The following BHLHA9 variants were observed in gnomAD, a reference collection of about 807,000 sequenced individuals.
BHLHA9 encodes basic helix-loop-helix family member a9.
For synonymous variants in BHLHA9, 177 were observed against 179.7 expected (o/e 0.98, Z 0.12); for missense variants, 344 against 365.9 (o/e 0.94, Z 0.49).
In BHLHA9 at chr17:1,271,058, C is replaced by T. The variant is rs1400703218; in HGVS notation, c.495C>T (p.Ala165=). 11 of 1,188,810 alleles carry T rather than the reference C, an allele frequency of 9.3e-6. No individual in the cohort carries two copies. Among genetic ancestry groups the T allele is most frequent in the Non-Finnish European group, 1.1e-5 (11 of 962,950 alleles). The allele number at this position is 1,188,810 out of a possible 1,614,324, so 73.6% of individuals were successfully genotyped here. A position where few individuals can be genotyped will look rare whatever the true frequency, so the allele number is the denominator to read the frequency against. The change falls in exon 1 of 1, where the codon GCC becomes GCT. Residue 165 remains alanine (A), a synonymous_variant. Transcript: ENST00000391429. ...PAGPSLARPD[A]ARPSVPSAPR... ...GGCCCAGCCTCGCGCGCCCAGACGCCGCCCGCCCCTCGGTGCCGTCCGCGC... is the reference window on the plus strand; with the variant it reads ...GGCCCAGCCTCGCGCGCCCAGACGCTGCCCGCCCCTCGGTGCCGTCCGCGC...
At position 1,271,228 on chromosome 17, in the gene BHLHA9, G is replaced by T. The variant is rs1413900871; in HGVS notation, c.665G>T (p.Gly222Val). The T allele has an allele frequency of 3.2e-6, 4 of 1,254,402 alleles. No individual in the cohort carries two copies. Among genetic ancestry groups the T allele is most frequent in the Non-Finnish European group, 4.0e-6 (4 of 992,974 alleles). The allele number at this position is 1,254,402 out of a possible 1,614,324, so 77.7% of individuals were successfully genotyped here. Residue 222 changes from glycine to valine, a missense_variant, in exon 1 of 1, where the codon GGC (glycine) becomes GTC (valine). Transcript: ENST00000391429. ...GCCGGGCCGCCTCCCTGGCCGCGGG[G>T]CTACCTGCGATCCGCCCCCGGGATG... is the stretch of plus-strand genomic sequence containing the variant. ...SSAGPPPWPR[G>V]YLRSAPGMGH...
In BHLHA9 at chr17:1,271,277, C is replaced by G. The variant is rs1348890214; in HGVS notation, c.*6C>G. ...TGGGCCATCCGCGCTCCTGACCGGC[C>G]TCGAGGCACCGGCTGGGCTGCAGGG... On this transcript the variant is annotated 3_prime_UTR_variant, in exon 1 of 1. Coordinates refer to ENST00000391429, the MANE Select transcript of BHLHA9 (RefSeq NM_001164405.2). The G allele has an allele frequency of 7.2e-6, 9 of 1,248,446 alleles. No individual in the cohort carries two copies. Among genetic ancestry groups the G allele is most frequent in the Non-Finnish European group, 7.1e-6 (7 of 988,550 alleles). 77.3% of individuals were successfully genotyped at this position (1,248,446 alleles called of 1,614,324 possible).
In BHLHA9 at chr17:1,270,941, G is replaced by C; in HGVS notation, c.378G>C (p.Ala126=). The change falls in exon 1 of 1, where the codon GCG becomes GCC. Residue 126 remains alanine (A), a synonymous_variant. Transcript: ENST00000391429. The stretch of plus-strand genomic sequence containing the variant: ...CCCTGGTCCTGCGCGCCAGCCCCGC[G>C]CCCCGCGGGCCCTGCGGACACCTGG... ...ALSLVLRASP[A]PRGPCGHLEC... is the part of the protein sequence containing the mutation. 2 of 1,301,282 alleles carry C rather than the reference G, an allele frequency of 1.5e-6. No homozygotes were observed. Among genetic ancestry groups the C allele is most frequent in the Non-Finnish European group, 1.9e-6 (2 of 1,027,514 alleles). The allele number at this position is 1,301,282 out of a possible 1,614,324, so 80.6% of individuals were successfully genotyped here. A position where few individuals can be genotyped will look rare whatever the true frequency, so the allele number is the denominator to read the frequency against.
At position 1,271,174 on chromosome 17, in the gene BHLHA9, G is replaced by A; in HGVS notation, c.611G>A (p.Ser204Asn). The change falls in exon 1 of 1, where the codon AGC (serine) becomes AAC (asparagine). Residue 204 changes from serine to asparagine, a missense_variant. Ser to Asn is a conservative substitution (Grantham distance 46). Transcript: ENST00000391429. Reference protein sequence around the residue: ...GPGLAQASGGSWRRCPGASSA... With the variant: ...GPGLAQASGGNWRRCPGASSA... ...GGCCTAGCACAGGCCTCCGGGGGAAGCTGGCGCCGCTGTCCGGGGGCTTCC... is the reference window on the plus strand; with the variant it reads ...GGCCTAGCACAGGCCTCCGGGGGAAACTGGCGCCGCTGTCCGGGGGCTTCC... 8 of 1,243,956 alleles carry A rather than the reference G, an allele frequency of 6.4e-6. No homozygotes were observed. The highest frequency in any genetic ancestry group is 8.1e-6 in the Non-Finnish European group (8 of 991,696). 77.1% of individuals were successfully genotyped at this position (1,243,956 alleles called of 1,614,324 possible).
Position 1,270,909 on chromosome 17 carries a change from G to A in BHLHA9, c.346G>A (p.Ala116Thr). ...TLRRAIHRIA[A>T]LSLVLRASPA... The stretch of plus-strand genomic sequence containing the variant: ...GCGCAGGGCCATCCACCGCATCGCC[G>A]CGCTCTCCCTGGTCCTGCGCGCCAG... Residue 116 changes from alanine to threonine, a missense_variant, in exon 1 of 1, where the codon GCG becomes ACG. Transcript: ENST00000391429. 3 of 1,423,710 alleles carry A rather than the reference G, an allele frequency of 2.1e-6. No individual in the cohort carries two copies. The highest frequency in any genetic ancestry group is 1.5e-5 in the African/African-American group (1 of 67,280). The allele number at this position is 1,423,710 out of a possible 1,614,324, so 88.2% of individuals were successfully genotyped here. A position where few individuals can be genotyped will look rare whatever the true frequency, so the allele number is the denominator to read the frequency against.
Position 1,270,669 on chromosome 17 carries a change from G to A in BHLHA9, c.106G>A (p.Val36Met). ...PCPEPGGDSG[V>M]LGANGASCSR... ...CCCCGAGCCCGGGGGCGATTCGGGGGTGCTGGGGGCGAACGGCGCTTCCTG... is the reference window on the plus strand; with the variant it reads ...CCCCGAGCCCGGGGGCGATTCGGGGATGCTGGGGGCGAACGGCGCTTCCTG... Residue 36 changes from valine to methionine, a missense_variant, in exon 1 of 1, where the codon GTG becomes ATG. Val to Met is a conservative substitution (Grantham distance 21). Coordinates refer to ENST00000391429, the MANE Select transcript of BHLHA9 (RefSeq NM_001164405.2). 1 of 1,320,926 alleles carries A rather than the reference G, an allele frequency of 7.6e-7. No homozygotes were observed. Among genetic ancestry groups the A allele is most frequent in the Non-Finnish European group, 9.6e-7 (1 of 1,044,306 alleles). The allele number at this position is 1,320,926 out of a possible 1,614,324, so 81.8% of individuals were successfully genotyped here.
Position 1,271,535 on chromosome 17 carries a change from C to A in BHLHA9, c.*264C>A, listed in dbSNP as rs943495395. The A allele has an allele frequency of 2.6e-6, 1 of 377,500 alleles. No homozygotes were observed. Among genetic ancestry groups the A allele is most frequent in the South Asian group, 1.5e-4 (1 of 6,760 alleles). 23.4% of individuals were successfully genotyped at this position (377,500 alleles called of 1,614,324 possible). On this transcript the variant is annotated 3_prime_UTR_variant, in exon 1 of 1. Transcript: ENST00000391429. ...TAGGGAGGCAGTTGCCAGAAAGGCT[C>A]AGGATCCTGAACTCATCTTGGACTC... is the stretch of plus-strand genomic sequence containing the variant.
chr17:1,270,578 G>A lies in BHLHA9; in HGVS notation c.15G>A (p.Ala5=). 1 of 1,277,916 alleles carries A rather than the reference G, an allele frequency of 7.8e-7. No homozygotes were observed. Among genetic ancestry groups the A allele is most frequent in the Non-Finnish European group, 9.8e-7 (1 of 1,017,120 alleles). The allele number at this position is 1,277,916 out of a possible 1,614,324, so 79.2% of individuals were successfully genotyped here. Residue 5 remains alanine (A), a synonymous_variant, in exon 1 of 1, where the codon GCG becomes GCA. Transcript: ENST00000391429. ...CCGGGAAGGCCATGCTGCGGGGCGC[G>A]CCAGGACTAGGCCTCACGGCGCGGA... The part of the protein sequence containing the change: MLRG[A]PGLGLTARKG...
At position 1,270,855 on chromosome 17, in the gene BHLHA9, G is replaced by T; in HGVS notation, c.292G>T (p.Gly98Cys). The change falls in exon 1 of 1, where the codon GGC (glycine) becomes TGC (cysteine). Residue 98 changes from glycine to cysteine, a missense_variant. Physicochemically the swap from Gly to Cys is radical, Grantham distance 159. Transcript: ENST00000391429. The part of the protein sequence containing the change: ...LRRALRHDLG[G>C]KRLSKIATLR... The stretch of plus-strand genomic sequence containing the variant: ...CCGGGCGCTGCGGCACGACCTGGGC[G>T]GCAAGAGGCTCTCCAAGATCGCCAC... 2 of 1,476,090 alleles carry T rather than the reference G, an allele frequency of 1.4e-6. No individual in the cohort carries two copies. The highest frequency in any genetic ancestry group is 2.6e-5 in the South Asian group (2 of 78,358). The allele number at this position is 1,476,090 out of a possible 1,614,324, so 91.4% of individuals were successfully genotyped here. A position where few individuals can be genotyped will look rare whatever the true frequency, so the allele number is the denominator to read the frequency against.
chr17:1,270,556 G>T lies in BHLHA9; in HGVS notation c.-8G>T. 7.9e-7 allele frequency: 1 copy of T among 1,266,604 alleles called. No homozygotes were observed. The allele number at this position is 1,266,604 out of a possible 1,614,324, so 78.5% of individuals were successfully genotyped here. ...GGCTGGGGCAGAGGGCGAGTGCCCG[G>T]GAAGGCCATGCTGCGGGGCGCGCCA... On this transcript the variant is annotated 5_prime_UTR_variant, in exon 1 of 1. Transcript: ENST00000391429.
chr17:1,270,837 C>A lies in BHLHA9; in HGVS notation c.274C>A (p.Leu92Met), dbSNP rs1463035355. Residue 92 changes from leucine (L) to methionine (M), a missense_variant, in exon 1 of 1, where the codon CTG (leucine) becomes ATG (methionine). Transcript: ENST00000391429. ...NEAFNALRRA[L>M]RHDLGGKRLS... The stretch of plus-strand genomic sequence containing the variant: ...GGCCTTCAACGCGCTGCGCCGGGCG[C>A]TGCGGCACGACCTGGGCGGCAAGAG... The A allele has an allele frequency of 2.7e-6, 4 of 1,477,100 alleles. No homozygotes were observed. In the African/African-American group the frequency reaches 5.9e-5, roughly 22 times the overall value. 91.5% of individuals were successfully genotyped at this position (1,477,100 alleles called of 1,614,324 possible). A position where few individuals can be genotyped will look rare whatever the true frequency, so the allele number is the denominator to read the frequency against.
chr17:1,271,322 A>T lies in BHLHA9; in HGVS notation c.*51A>T. 1 of 1,184,350 alleles carries T rather than the reference A, an allele frequency of 8.4e-7. No individual in the cohort carries two copies. The highest frequency in any genetic ancestry group is 1.1e-6 in the Non-Finnish European group (1 of 931,366). The allele number at this position is 1,184,350 out of a possible 1,614,324, so 73.4% of individuals were successfully genotyped here. On this transcript the variant is annotated 3_prime_UTR_variant, in exon 1 of 1. Transcript: ENST00000391429. Reference sequence around the variant, plus strand: ...GCAGGGAGGCCGGGCTGGCAGCTGGACTATAAAACCCGGGACTGCAAAGGC... The same window carrying T: ...GCAGGGAGGCCGGGCTGGCAGCTGGTCTATAAAACCCGGGACTGCAAAGGC...
In BHLHA9 at chr17:1,270,893, C is replaced by T. The variant is rs758989829; in HGVS notation, c.330C>T (p.Ala110=). ...CCAAGATCGCCACGCTGCGCAGGGCCATCCACCGCATCGCCGCGCTCTCCC... is the reference window on the plus strand; with the variant it reads ...CCAAGATCGCCACGCTGCGCAGGGCTATCCACCGCATCGCCGCGCTCTCCC... ...RLSKIATLRR[A]IHRIAALSLV... is the part of the protein sequence containing the mutation. The change falls in exon 1 of 1, where the codon GCC becomes GCT. Residue 110 remains alanine (A), a synonymous_variant. Coordinates refer to ENST00000391429, the MANE Select transcript of BHLHA9 (RefSeq NM_001164405.2). The T allele has an allele frequency of 9.0e-6, 13 of 1,441,216 alleles. No individual in the cohort carries two copies. Among genetic ancestry groups the T allele is most frequent in the South Asian group, 2.7e-5 (2 of 73,744 alleles). 89.3% of individuals were successfully genotyped at this position (1,441,216 alleles called of 1,614,324 possible).
rs955850977 is a variant in BHLHA9 at position 1,270,607 on chromosome 17, G to A, written c.44G>A (p.Gly15Glu). 3.0e-5 allele frequency: 39 copies of A among 1,287,038 alleles called. No homozygotes were observed. Among genetic ancestry groups the A allele is most frequent in the Admixed American group, 1.7e-4 (4 of 23,858 alleles). 79.7% of individuals were successfully genotyped at this position (1,287,038 alleles called of 1,614,324 possible). A position where few individuals can be genotyped will look rare whatever the true frequency, so the allele number is the denominator to read the frequency against. The change falls in exon 1 of 1, where the codon GGG becomes GAG. Residue 15 changes from glycine to glutamate, a missense_variant. Coordinates refer to ENST00000391429, the MANE Select transcript of BHLHA9 (RefSeq NM_001164405.2). ...GGACTAGGCCTCACGGCGCGGAAGG[G>A]GGCCGAGGACTCTGCGGAGGACTTG... ...APGLGLTARK[G>E]AEDSAEDLGG...
chr17:1,270,586 T>C lies in BHLHA9; in HGVS notation c.23T>C (p.Leu8Pro). Residue 8 changes from leucine to proline, a missense_variant, in exon 1 of 1, where the codon CTA (leucine) becomes CCA (proline). Coordinates refer to ENST00000391429, the MANE Select transcript of BHLHA9 (RefSeq NM_001164405.2). ...GCCATGCTGCGGGGCGCGCCAGGAC[T>C]AGGCCTCACGGCGCGGAAGGGGGCC... MLRGAPG[L>P]GLTARKGAED... is the part of the protein sequence containing the mutation. 7.8e-7 allele frequency: 1 copy of C among 1,282,454 alleles called. No individual in the cohort carries two copies. Among genetic ancestry groups the C allele is most frequent in the South Asian group, 2.8e-5 (1 of 35,536 alleles). 79.4% of individuals were successfully genotyped at this position (1,282,454 alleles called of 1,614,324 possible).
At position 1,270,814 on chromosome 17, in the gene BHLHA9, C is replaced by G. The variant is rs964527970; in HGVS notation, c.251C>G (p.Ala84Gly). The change falls in exon 1 of 1, where the codon GCC becomes GGC. Residue 84 changes from alanine (A) to glycine (G), a missense_variant. Ala to Gly is a moderately conservative substitution (Grantham distance 60). Coordinates refer to ENST00000391429, the MANE Select transcript of BHLHA9 (RefSeq NM_001164405.2). ...ERKRILDYNE[A>G]FNALRRALRH... is the part of the protein sequence containing the mutation. Reference sequence around the variant, plus strand: ...AAGCGCATCCTAGACTACAACGAGGCCTTCAACGCGCTGCGCCGGGCGCTG... The same window carrying G: ...AAGCGCATCCTAGACTACAACGAGGGCTTCAACGCGCTGCGCCGGGCGCTG... 9 of 1,475,908 alleles carry G rather than the reference C, an allele frequency of 6.1e-6. No individual in the cohort carries two copies. Among genetic ancestry groups the G allele is most frequent in the African/African-American group, 5.9e-5 (4 of 68,354 alleles). 91.4% of individuals were successfully genotyped at this position (1,475,908 alleles called of 1,614,324 possible). A position where few individuals can be genotyped will look rare whatever the true frequency, so the allele number is the denominator to read the frequency against.
In BHLHA9 at chr17:1,270,845, C is replaced by A; in HGVS notation, c.282C>A (p.His94Gln). ...ACGCGCTGCGCCGGGCGCTGCGGCA[C>A]GACCTGGGCGGCAAGAGGCTCTCCA... ...AFNALRRALR[H>Q]DLGGKRLSKI... The change falls in exon 1 of 1, where the codon CAC (histidine) becomes CAA (glutamine). Residue 94 changes from histidine to glutamine, a missense_variant. Physicochemically the swap from His to Gln is conservative, Grantham distance 24 (BLOSUM62 0). Coordinates refer to ENST00000391429, the MANE Select transcript of BHLHA9 (RefSeq NM_001164405.2). 1.4e-6 allele frequency: 2 copies of A among 1,476,118 alleles called. No homozygotes were observed. Among genetic ancestry groups the A allele is most frequent in the Non-Finnish European group, 1.8e-6 (2 of 1,119,358 alleles). The allele number at this position is 1,476,118 out of a possible 1,614,324, so 91.4% of individuals were successfully genotyped here. A position where few individuals can be genotyped will look rare whatever the true frequency, so the allele number is the denominator to read the frequency against.
Position 1,271,047 on chromosome 17 carries a change from C to T in BHLHA9, c.484C>T (p.Arg162Cys). The part of the protein sequence containing the change: ...PPPPAGPSLA[R>C]PDAARPSVPS... ...GCCGCCTGCAGGGCCCAGCCTCGCGCGCCCAGACGCCGCCCGCCCCTCGGT... is the reference window on the plus strand; with the variant it reads ...GCCGCCTGCAGGGCCCAGCCTCGCGTGCCCAGACGCCGCCCGCCCCTCGGT... Residue 162 changes from arginine to cysteine, a missense_variant, in exon 1 of 1, where the codon CGC (arginine) becomes TGC (cysteine). By Grantham distance (180) the Arg-to-Cys change is radical. Coordinates refer to ENST00000391429, the MANE Select transcript of BHLHA9 (RefSeq NM_001164405.2). The T allele has an allele frequency of 8.5e-7, 1 of 1,182,334 alleles. No individual in the cohort carries two copies. The highest frequency in any genetic ancestry group is 1.0e-6 in the Non-Finnish European group (1 of 958,656). The allele number at this position is 1,182,334 out of a possible 1,614,324, so 73.2% of individuals were successfully genotyped here.
rs1196178116 is a variant in BHLHA9, at chr17:1,270,664, C to T, written c.101C>T (p.Ser34Leu). 10 of 1,312,338 alleles carry T rather than the reference C, an allele frequency of 7.6e-6. No individual in the cohort carries two copies. The East Asian group carries it at 3.1e-4, about 41-fold the overall frequency. 81.3% of individuals were successfully genotyped at this position (1,312,338 alleles called of 1,614,324 possible). ...GGPCPEPGGD[S>L]GVLGANGASC... is the part of the protein sequence containing the mutation. ...CCCTGCCCCGAGCCCGGGGGCGATT[C>T]GGGGGTGCTGGGGGCGAACGGCGCT... Residue 34 changes from serine to leucine, a missense_variant, in exon 1 of 1, where the codon TCG (serine) becomes TTG (leucine). By Grantham distance (145) the Ser-to-Leu change is moderately radical. Coordinates refer to ENST00000391429, the MANE Select transcript of BHLHA9 (RefSeq NM_001164405.2).
Sources: allele counts gnomAD v4.1 joint callset, GRCh38; gene constraint gnomAD v4.1.1; transcripts MANE v1.5; gene names NCBI Gene and HGNC (gene_info 2026-07-23, HGNC 2026-07-21).